Variants in DCAF1 observed in about 807,000 individuals in gnomAD.
The protein encoded by DCAF1 is DDB1- and CUL4-associated factor 1.
A neutral mutation model predicts 128.0 loss-of-function variants in DCAF1; 15 were observed. The observed-to-expected ratio is 0.12, with a 90% confidence interval of 0.08 to 0.18. The LOEUF is 0.18. Among genes scored for constraint, DCAF1 ranks in the 10% least tolerant of loss-of-function variants. The pLI is 1.00. For synonymous variants in DCAF1, 610 were observed against 603.0 expected (o/e 1.01, Z -0.17); for missense variants, 988 against 1,649.5 (o/e 0.60, Z 6.95).
At chr3:51,464,832 G>T (rs1416180084) in intron 5 of DCAF1, among the ~76,000 whole-genome samples, 1 of 152,186 alleles carries the variant, frequency 6.6e-6, no homozygotes, top group Non-Finnish European at 1.5e-5. Context: ...TCCAAGCCGG[G>T]ATGTAAAAGA....
intron 4 of DCAF1, 142 bp from the exon 5 acceptor site, chr3:51,467,018 G>A: frequency 1.5e-6 from 1 of 670,546 alleles, no homozygotes; most frequent in Non-Finnish European, 2.6e-6. Flanking sequence ...AAAGATTATT[G>A]TGCTAAATTA....
chr3:51,503,963 A>G (rs192457219), upstream of DCAF1, among the ~76,000 whole-genome samples: 270 of 151,942 alleles, frequency 1.8e-3, no homozygotes, highest in Middle Eastern at 0.017. Context: ...TCCTTCCAGG[A>G]GGAAGAGTGG....
intron 2 of DCAF1, among the ~76,000 whole-genome samples, chr3:51,484,271 G>A (rs1215651359): frequency 6.6e-6 from 1 of 151,906 alleles, no homozygotes. Context: ...TCAGGAGTTC[G>A]GGACCAGCCT....
chr3:51,451,842 G>A (rs377715290), intron 6 of DCAF1, among the ~76,000 whole-genome samples: 8 of 151,280 alleles, frequency 5.3e-5, no homozygotes, highest in Non-Finnish European at 7.4e-5. Flanking sequence ...AAACAGTGGC[G>A]GAATAAAACC....
At position 51,467,269 on chromosome 3, in the gene DCAF1, T is replaced by A. The variant is rs372930417; in HGVS notation, c.188-393A>T. ...ATTGCTTGAACCCAGGAGGCGGAGG[T>A]TGCAGTGAGCCAAGATTGCACCACT... On this transcript the variant is annotated intron_variant, in intron 4 of 24. Coordinates refer to ENST00000684031, the MANE Select transcript of DCAF1 (RefSeq NM_001387579.1). Among the ~76,000 whole-genome samples, 274 of 150,230 alleles carry A rather than the reference T, an allele frequency of 1.8e-3. 6 individuals are homozygous for A. The South Asian group carries it at 0.056, about 31-fold the overall frequency.
In DCAF1 at chr3:51,418,211, G is replaced by C; in HGVS notation, c.3436-13C>G. 1 of 1,602,600 alleles carries C rather than the reference G, an allele frequency of 6.2e-7. No individual in the cohort carries two copies. ...GCAAGGACCCATCCTAAAAGAAAAA[G>C]GCGCAAGGTGGGTAACCACGTATTT... On this transcript the variant is annotated splice_polypyrimidine_tract_variant and intron_variant, in intron 16 of 24. Transcript: ENST00000684031.
At chr3:51,431,519 C>CAAAAA (rs5848921) in intron 10 of DCAF1, among the ~76,000 whole-genome samples, 1 of 64,132 alleles carries the variant, frequency 1.6e-5, no homozygotes, top group Non-Finnish European at 3.1e-5. Flanking sequence ...GATTCCGTCT[C>CAAAAA]AAAAAAAAAA....
intron 3 of DCAF1, among the ~76,000 whole-genome samples, chr3:51,481,146 G>A (rs982477275): frequency 3.3e-5 from 5 of 152,110 alleles, no homozygotes; most frequent in Non-Finnish European, 7.3e-5. Context: ...TTTTTACAGC[G>A]AAAGAACTAC....
intron 6 of DCAF1, among the ~76,000 whole-genome samples, chr3:51,444,544 G>T (rs1252818809): frequency 6.6e-6 from 1 of 152,042 alleles, no homozygotes; most frequent in Non-Finnish European, 1.5e-5. Context: ...TAGAGACGGG[G>T]TTTCGCTATG....
rs1701313837 is a variant in DCAF1, at chr3:51,441,039, C to T, written c.1059G>A (p.Arg353=). Residue 353 remains arginine (R), a synonymous_variant, in exon 9 of 25, where the codon CGG becomes CGA. Coordinates refer to ENST00000684031, the MANE Select transcript of DCAF1 (RefSeq NM_001387579.1). ...GGTCAATATAGAACATCATCAGCTCCCGTGATCCAAGTTGCATGAATATGG... is the reference window on the plus strand; with the variant it reads ...GGTCAATATAGAACATCATCAGCTCTCGTGATCCAAGTTGCATGAATATGG... ...LLPIFMQLGS[R]ELMMFYIDLK... The T allele has an allele frequency of 6.2e-7, 1 of 1,612,606 alleles. No individual in the cohort carries two copies. Among genetic ancestry groups the T allele is most frequent in the African/African-American group, 1.3e-5 (1 of 75,026 alleles).
At chr3:51,407,940 G>A (rs1008737584) in intron 23 of DCAF1, among the ~76,000 whole-genome samples, 2 of 116,204 alleles carry the variant, frequency 1.7e-5, no homozygotes, top group South Asian at 6.0e-4. Flanking sequence ...AGCCAAGATC[G>A]CAACACTGCG....
At chr3:51,494,217 C>T (rs1420632316) in intron 2 of DCAF1, among the ~76,000 whole-genome samples, 1 of 150,456 alleles carries the variant, frequency 6.6e-6, no homozygotes, top group Non-Finnish European at 1.5e-5. Flanking sequence ...CGGGTTCATG[C>T]CATTCTCCTG....
intron 2 of DCAF1, among the ~76,000 whole-genome samples, chr3:51,484,264 G>C (rs551216907): frequency 2.9e-4 from 44 of 152,142 alleles, no homozygotes; most frequent in Middle Eastern, 3.4e-3. Flanking sequence ...CCTGAGGTCA[G>C]GAGTTCGGGA....
intron 7 of DCAF1, 136 bp downstream of exon 7, chr3:51,443,630 T>C: frequency 3.7e-6 from 3 of 804,818 alleles, no homozygotes; most frequent in South Asian, 8.4e-5. Flanking sequence ...AAAACTCTTA[T>C]GGAAACTAAT....
At position 51,398,745 on chromosome 3, in the gene DCAF1, T is replaced by C. The variant is rs1287055975; in HGVS notation, c.*24A>G. ...GACTCAGTTTCTCGCCTGCCAAGAA[T>C]CTCTTCCAAGCAGTGATGGCTCCTC... On this transcript the variant is annotated 3_prime_UTR_variant, in exon 25 of 25. Coordinates refer to ENST00000684031, the MANE Select transcript of DCAF1 (RefSeq NM_001387579.1). The C allele has an allele frequency of 6.3e-7, 1 of 1,579,484 alleles. No homozygotes were observed. Among genetic ancestry groups the C allele is most frequent in the African/African-American group, 1.3e-5 (1 of 74,284 alleles).
chr3:51,456,833 A>G (rs111425992), intron 6 of DCAF1, among the ~76,000 whole-genome samples: 3,059 of 152,268 alleles, frequency 0.02, 107 homozygotes, highest in African/African-American at 0.07. Flanking sequence ...CAAACTCCAC[A>G]AGACCTGCAG....
chr3:51,398,677 C>A lies in DCAF1; in HGVS notation c.*92G>T. ...GGCATGCAGCTCCTTAAAAGACAGA[C>A]AGCCCTGGGAGAAAGAGAAGGGAAT... On this transcript the variant is annotated 3_prime_UTR_variant, in exon 25 of 25. Transcript: ENST00000684031. 1.3e-6 allele frequency: 2 copies of A among 1,496,908 alleles called. No homozygotes were observed. Among genetic ancestry groups the A allele is most frequent in the South Asian group, 1.2e-5 (1 of 81,906 alleles). The allele number at this position is 1,496,908 out of a possible 1,614,324, so 92.7% of individuals were successfully genotyped here. A position where few individuals can be genotyped will look rare whatever the true frequency, so the allele number is the denominator to read the frequency against.
At chr3:51,458,031 T>C (rs1393169087) in intron 6 of DCAF1, among the ~76,000 whole-genome samples, 2 of 152,138 alleles carry the variant, frequency 1.3e-5, no homozygotes, top group Non-Finnish European at 2.9e-5. Flanking sequence ...CCAGCTAACA[T>C]CATAATGACA....
intron 23 of DCAF1, 132 bp downstream of exon 23, chr3:51,412,247 C>T: frequency 1.6e-6 from 2 of 1,215,960 alleles, no homozygotes; most frequent in Non-Finnish European, 2.2e-6. Context: ...ATCAAGGGTA[C>T]ATGACAAGCC....
Sources: allele counts gnomAD v4.1 joint callset (sites outside exome capture counted in the v4.1 genomes callset), GRCh38; gene constraint gnomAD v4.1.1; transcripts MANE v1.5; gene names NCBI Gene and HGNC (gene_info 2026-07-23, HGNC 2026-07-21).